Variants in CCSER1 observed in about 807,000 individuals in gnomAD.
CCSER1 encodes serine-rich coiled-coil domain-containing protein 1.
CCSER1 carries 41 observed loss-of-function variants against 82.0 expected under a neutral mutation model. The observed-to-expected ratio is 0.50, with a 90% confidence interval of 0.39 to 0.65. CCSER1 has a LOEUF of 0.65. Among genes scored for constraint, CCSER1 ranks in the 30% least tolerant of loss-of-function variants. The pLI is 0.00. For missense variants in CCSER1, 1,119 were observed against 1,064.2 expected, an observed-to-expected ratio of 1.05 and a Z score of -0.72; for synonymous variants, 414 against 383.9, an observed-to-expected ratio of 1.08 and a Z score of -0.92.
intron 6 of CCSER1, among the ~76,000 whole-genome samples, chr4:90,682,319 A>G (rs1195345506): frequency 6.6e-6 from 1 of 152,040 alleles, no homozygotes; most frequent in Non-Finnish European, 1.5e-5. Flanking sequence ...TAGTGGCTTA[A>G]TTAGATCCTT....
chr4:90,903,735 G>A (rs764739573), intron 8 of CCSER1, among the ~76,000 whole-genome samples: 16 of 151,538 alleles, frequency 1.1e-4, no homozygotes, highest in Non-Finnish European at 2.1e-4. Context: ...CTACTCAGGA[G>A]ACTGAGGCAG....
chr4:90,569,641 A>G (rs946002435), intron 5 of CCSER1, among the ~76,000 whole-genome samples: 1 of 152,214 alleles, frequency 6.6e-6, no homozygotes, highest in Non-Finnish European at 1.5e-5. Context: ...AAGAACAGAC[A>G]GAGGCACAAT....
intron 4 of CCSER1, among the ~76,000 whole-genome samples, chr4:90,429,475 A>G (rs1757982722): frequency 6.6e-6 from 1 of 151,852 alleles, no homozygotes. Context: ...TTAAGGGTGT[A>G]AGTCTTTACA....
chr4:91,160,752 GTTGTTT>G (rs1731306288), intron 10 of CCSER1, among the ~76,000 whole-genome samples: 1 of 151,302 alleles, frequency 6.6e-6, no homozygotes, highest in African/African-American at 2.4e-5. Flanking sequence ...TGTTGTTGTT[GTTGTTT>G]TTTTTGTAAA....
At chr4:91,284,309 T>G (rs1743119125) in intron 10 of CCSER1, among the ~76,000 whole-genome samples, 1 of 152,122 alleles carries the variant, frequency 6.6e-6, no homozygotes, top group South Asian at 2.1e-4. Flanking sequence ...GAAATACTTC[T>G]TCTAGTGAAT....
At chr4:91,156,873 T>A in intron 10 of CCSER1, among the ~76,000 whole-genome samples, 1 of 151,958 alleles carries the variant, frequency 6.6e-6, no homozygotes, top group East Asian at 1.9e-4. Context: ...ATTTTCACCT[T>A]ATTCCTGCTA....
intron 6 of CCSER1, among the ~76,000 whole-genome samples, chr4:90,675,259 C>T (rs1487073641): frequency 6.6e-6 from 1 of 151,846 alleles, no homozygotes; most frequent in Admixed American, 6.6e-5. Flanking sequence ...TAAACAATTA[C>T]TTACAGTTGC....
At chr4:91,569,384 A>G (rs542982081) in intron 10 of CCSER1, among the ~76,000 whole-genome samples, 207 of 152,208 alleles carry the variant, frequency 1.4e-3, no homozygotes, top group African/African-American at 4.7e-3. Context: ...GGATCTTAGT[A>G]GTGGTTGGAG....
chr4:90,212,185 C>A (rs1414467430), intron 1 of CCSER1, among the ~76,000 whole-genome samples: 1 of 152,164 alleles, frequency 6.6e-6, no homozygotes, highest in Non-Finnish European at 1.5e-5. Context: ...AATATTCCCA[C>A]ATATTCACTG....
chr4:91,102,126 T>G (rs997967917), intron 10 of CCSER1, among the ~76,000 whole-genome samples: 1 of 152,176 alleles, frequency 6.6e-6, no homozygotes, highest in African/African-American at 2.4e-5. Flanking sequence ...AGCTCTACAA[T>G]TTTTTCACTG....
intron 1 of CCSER1, among the ~76,000 whole-genome samples, chr4:90,299,451 A>T (rs145723742): frequency 3.6e-4 from 55 of 152,234 alleles, no homozygotes; most frequent in African/African-American, 1.3e-3. Flanking sequence ...TAAATTGTTA[A>T]TTAAACATAT....
intron 9 of CCSER1, among the ~76,000 whole-genome samples, chr4:91,013,813 G>A: frequency 7.8e-6 from 1 of 127,840 alleles, no homozygotes; most frequent in African/African-American, 2.5e-5. Flanking sequence ...AGTAGAGATG[G>A]GGTTTTACTG....
At chr4:91,102,561 A>T (rs1725183385) in intron 10 of CCSER1, among the ~76,000 whole-genome samples, 2 of 152,240 alleles carry the variant, frequency 1.3e-5, no homozygotes, top group African/African-American at 4.8e-5. Flanking sequence ...ATATGCATTT[A>T]GATGTCGTTT....
At chr4:91,440,791 A>C (rs908268166) in intron 10 of CCSER1, among the ~76,000 whole-genome samples, 1 of 152,244 alleles carries the variant, frequency 6.6e-6, no homozygotes, top group Non-Finnish European at 1.5e-5. Context: ...AGGGCATATC[A>C]CCACCAATCC....
chr4:90,156,092 C>G (rs1284986524), intron 1 of CCSER1, among the ~76,000 whole-genome samples: 2 of 152,138 alleles, frequency 1.3e-5, no homozygotes, highest in Non-Finnish European at 2.9e-5. Flanking sequence ...TCATTGGTTT[C>G]AAAGAACATC....
intron 4 of CCSER1, among the ~76,000 whole-genome samples, chr4:90,440,089 G>A (rs1759643535): frequency 6.6e-6 from 1 of 151,748 alleles, no homozygotes; most frequent in African/African-American, 2.4e-5. Context: ...CTGCAGCCTT[G>A]AGCTCCTGGG....
intron 10 of CCSER1, among the ~76,000 whole-genome samples, chr4:91,508,832 T>C (rs2110110563): frequency 6.6e-6 from 1 of 152,040 alleles, no homozygotes; most frequent in Non-Finnish European, 1.5e-5. Context: ...TTTGTATCTT[T>C]TGGGGAGTTT....
chr4:91,406,853 T>A (rs1752735588), intron 10 of CCSER1, among the ~76,000 whole-genome samples: 2 of 152,216 alleles, frequency 1.3e-5, no homozygotes, highest in African/African-American at 4.8e-5. Flanking sequence ...TCAGTTTTTT[T>A]ATTCATAGTA....
At chr4:91,033,402 C>G (rs986869341) in intron 9 of CCSER1, among the ~76,000 whole-genome samples, 2 of 151,836 alleles carry the variant, frequency 1.3e-5, no homozygotes, top group African/African-American at 4.9e-5. Flanking sequence ...GGAAATATCC[C>G]ACTTCTCTCT....
Sources: gnomAD v4.1 joint callset for allele counts (sites outside exome capture counted in the v4.1 genomes callset) on GRCh38, gnomAD v4.1.1 for gene constraint, MANE v1.5 for transcripts, NCBI Gene and HGNC (gene_info 2026-07-23, HGNC 2026-07-21) for gene names.